Variants in TBC1D14 observed in about 807,000 individuals in gnomAD.
TBC1D14 encodes TBC1 domain family, member 14.
In TBC1D14, 26 loss-of-function variants were observed where a neutral mutation model predicts 79.0. The ratio of observed to expected loss-of-function variants is 0.33; its 90% CI spans 0.24 to 0.46. The LOEUF is 0.46. TBC1D14 is among the 20% of genes least tolerant of loss of function. The probability of loss-of-function intolerance (pLI) is 1.00; values close to 1 mark genes in which losing one functional copy is unlikely to be tolerated. For missense variants in TBC1D14, 769 were observed against 887.6 expected (o/e 0.87, Z 1.70); for synonymous variants, 394 against 349.9 (o/e 1.13, Z -1.40).
chr4:6,996,684 A>C (rs911362763), intron 5 of TBC1D14, among the ~76,000 whole-genome samples: 4 of 152,196 alleles, frequency 2.6e-5, no homozygotes, highest in Non-Finnish European at 5.9e-5. Context: ...GGAGCCTCCC[A>C]AGGAGGCCTC....
intron 9 of TBC1D14, among the ~76,000 whole-genome samples, 195 bp downstream of exon 9, chr4:7,006,921 T>G (rs1438497524): frequency 1.3e-5 from 2 of 152,230 alleles, no homozygotes; most frequent in Non-Finnish European, 2.9e-5. Context: ...AAATATTTAC[T>G]ATGTCCATAC....
chr4:6,947,366 C>T (rs1392175977), intron 2 of TBC1D14, among the ~76,000 whole-genome samples: 1 of 152,094 alleles, frequency 6.6e-6, no homozygotes, highest in Non-Finnish European at 1.5e-5. Flanking sequence ...GCTGTGGTGG[C>T]GGGTGCCTGT....
At position 7,016,983 on chromosome 4, in the gene TBC1D14, A is replaced by G. The variant is rs992503337; in HGVS notation, c.1757+2426A>G. On this transcript the variant is annotated intron_variant, in intron 12 of 13. Coordinates refer to ENST00000409757, the MANE Select transcript of TBC1D14 (RefSeq NM_020773.3). ...GAACAACCTCTCCAAGCCCAGTGTAACACTTGTGTTTTATAGAGGAAAAAA... is the reference window on the plus strand; with the variant it reads ...GAACAACCTCTCCAAGCCCAGTGTAGCACTTGTGTTTTATAGAGGAAAAAA... Among the ~76,000 whole-genome samples the G allele has an allele frequency of 1.1e-4, 17 of 152,168 alleles. 1 individual carries two copies. Among genetic ancestry groups the G allele is most frequent in the Admixed American group, 7.9e-4 (12 of 15,286 alleles).
In TBC1D14 at chr4:7,014,443, C is replaced by A; in HGVS notation, c.1648-5C>A. 1 of 1,596,150 alleles carries A rather than the reference C, an allele frequency of 6.3e-7. No individual in the cohort carries two copies. Among genetic ancestry groups the A allele is most frequent in the Non-Finnish European group, 8.6e-7 (1 of 1,164,342 alleles). Reference sequence around the variant, plus strand: ...TTCTGAGTAAATTTCATATTATCTCCCTAGATGTTGACTTATTTTGCTGCA... The same window carrying A: ...TTCTGAGTAAATTTCATATTATCTCACTAGATGTTGACTTATTTTGCTGCA... On this transcript the variant is annotated splice_polypyrimidine_tract_variant and splice_region_variant and intron_variant, in intron 11 of 13. Coordinates refer to ENST00000409757, the MANE Select transcript of TBC1D14 (RefSeq NM_020773.3).
intron 2 of TBC1D14, among the ~76,000 whole-genome samples, chr4:6,939,747 G>C (rs557732193): frequency 3.3e-5 from 5 of 151,710 alleles, no homozygotes; most frequent in African/African-American, 7.3e-5. Flanking sequence ...AGAGGGGTGG[G>C]GGTGGGGTGG....
rs1267577863 is a variant in TBC1D14, at chr4:6,923,884, G to T, written c.495G>T (p.Glu165Asp). The T allele has an allele frequency of 6.2e-7, 1 of 1,614,168 alleles. No homozygotes were observed. Among genetic ancestry groups the T allele is most frequent in the East Asian group, 2.2e-5 (1 of 44,882 alleles). ...GCAGCGTGTCCAGTCTTGGGACAGA[G>T]CTGTCCACCACGCTGTCCGTCAGCA... ...SVCSVSSLGT[E>D]LSTTLSVSNE... The change falls in exon 2 of 14, where the codon GAG becomes GAT. Residue 165 changes from glutamate to aspartate, a missense_variant. By Grantham distance (45) the Glu-to-Asp change is conservative. Transcript: ENST00000409757.
At chr4:6,961,665 T>C in intron 2 of TBC1D14, among the ~76,000 whole-genome samples, 1 of 152,148 alleles carries the variant, frequency 6.6e-6, no homozygotes, top group East Asian at 1.9e-4. Context: ...GCAGGATTTG[T>C]GGCAGGGCTG....
chr4:7,007,638 A>G, intron 9 of TBC1D14: 1 of 1,283,034 alleles, frequency 7.8e-7, no homozygotes, highest in South Asian at 1.2e-5. Context: ...GCGTGAGCCC[A>G]GCGAGCACCC....
intron 3 of TBC1D14, among the ~76,000 whole-genome samples, chr4:6,975,710 C>A (rs1716659255): frequency 6.6e-6 from 1 of 152,146 alleles, no homozygotes; most frequent in African/African-American, 2.4e-5. Context: ...CTGAAAAATA[C>A]ACTAACTGAA....
chr4:6,955,051 C>G (rs1363251330), intron 2 of TBC1D14, among the ~76,000 whole-genome samples: 1 of 152,232 alleles, frequency 6.6e-6, no homozygotes, highest in Admixed American at 6.5e-5. Flanking sequence ...AATAGAACCT[C>G]ACTTTCTTTC....
At chr4:6,953,134 T>G (rs1175589895) in intron 2 of TBC1D14, among the ~76,000 whole-genome samples, 1 of 149,134 alleles carries the variant, frequency 6.7e-6, no homozygotes, top group Non-Finnish European at 1.5e-5. Flanking sequence ...CAGGCAGTTC[T>G]TTGCCTCAGC....
chr4:7,010,805 C>A, intron 11 of TBC1D14, 24 bp downstream of exon 11: 1 of 1,607,164 alleles, frequency 6.2e-7, no homozygotes. Context: ...GTGTTCGGGC[C>A]CTGGGTACTG....
At chr4:6,963,738 C>T in intron 2 of TBC1D14, among the ~76,000 whole-genome samples, 1 of 152,338 alleles carries the variant, frequency 6.6e-6, no homozygotes, top group East Asian at 1.9e-4. Flanking sequence ...TTTTTATGAG[C>T]TTTTCAAAAG....
At chr4:6,947,251 A>C (rs1047284585) in intron 2 of TBC1D14, among the ~76,000 whole-genome samples, 1 of 152,102 alleles carries the variant, frequency 6.6e-6, no homozygotes, top group Non-Finnish European at 1.5e-5. Flanking sequence ...TAATCCCAGC[A>C]CTTTGGGAGG....
intron 2 of TBC1D14, among the ~76,000 whole-genome samples, chr4:6,953,629 CAAAA>C (rs750667631): frequency 1.1e-4 from 6 of 55,050 alleles, no homozygotes; most frequent in East Asian, 1.4e-3. Context: ...GACTCCGTCT[CAAAA>C]AAAAAAAAAA....
chr4:7,021,203 C>T (rs1721796714), intron 12 of TBC1D14, among the ~76,000 whole-genome samples: 2 of 152,230 alleles, frequency 1.3e-5, no homozygotes, highest in African/African-American at 2.4e-5. Flanking sequence ...CAAAAACTGC[C>T]CCTTTCCTCC....
intron 3 of TBC1D14, among the ~76,000 whole-genome samples, chr4:6,980,530 G>C (rs1717268385): frequency 6.6e-6 from 1 of 152,092 alleles, no homozygotes; most frequent in African/African-American, 2.4e-5. Flanking sequence ...ATAAGTGTGA[G>C]AACAGATATC....
chr4:7,001,426 G>C, intron 7 of TBC1D14, 175 bp downstream of exon 7: 1 of 589,534 alleles, frequency 1.7e-6, no homozygotes, highest in Non-Finnish European at 3.0e-6. Flanking sequence ...GTTTAGTGCT[G>C]TGCACTCCGG....
chr4:6,986,214 A>C (rs1717805919), intron 3 of TBC1D14, among the ~76,000 whole-genome samples: 1 of 152,204 alleles, frequency 6.6e-6, no homozygotes, highest in Non-Finnish European at 1.5e-5. Flanking sequence ...CCCATGTCTC[A>C]GCAGTTTCTT....
Sources: allele counts gnomAD v4.1 joint callset (sites outside exome capture counted in the v4.1 genomes callset), GRCh38; gene constraint gnomAD v4.1.1; transcripts MANE v1.5; gene names NCBI Gene and HGNC (gene_info 2026-07-23, HGNC 2026-07-21).